The following PRPF19 variants were observed in gnomAD, a reference collection of about 807,000 sequenced individuals.
The protein encoded by PRPF19 is pre-mRNA processing factor 19.
Under a neutral mutation model 64.2 loss-of-function variants are expected in PRPF19, and 2 were observed. The ratio of observed to expected loss-of-function variants is 0.03; its 90% CI spans 0.01 to 0.10. PRPF19 has a LOEUF of 0.10. Among genes scored for constraint, PRPF19 ranks in the 10% least tolerant of loss-of-function variants. The probability of loss-of-function intolerance (pLI) is 1.00; values close to 1 mark genes in which losing one functional copy is unlikely to be tolerated. For synonymous variants in PRPF19, 226 were observed against 251.6 expected (o/e 0.90, Z 0.96); for missense variants, 314 against 650.0 (o/e 0.48, Z 5.62).
At chr11:60,903,912 T>C (rs1348061831) in intron 1 of PRPF19, 51 bp from the exon 2 acceptor site, 1 of 1,583,096 alleles carries the variant, frequency 6.3e-7, no homozygotes, top group Non-Finnish European at 8.5e-7. Context: ...ATCTTGGGCC[T>C]AGAGGATTCC....
At position 60,901,254 on chromosome 11, in the gene PRPF19, G is replaced by C. The variant is rs77664855; in HGVS notation, c.642+41C>G. The C allele has an allele frequency of 3.5e-5, 57 of 1,606,376 alleles. No homozygotes were observed. The East Asian group carries it at 1.1e-3, about 32-fold the overall frequency. On this transcript the variant is annotated intron_variant, in intron 8 of 15. Coordinates refer to ENST00000227524, the MANE Select transcript of PRPF19 (RefSeq NM_014502.5). ...GGCCCGCCCACCCCAGAAACAAAAC[G>C]GGAGGGCTGTCTCCAAGACAGTGGA...
At position 60,903,649 on chromosome 11, in the gene PRPF19, C is replaced by T. The variant is rs926889142; in HGVS notation, c.169+63G>A. On this transcript the variant is annotated intron_variant, in intron 2 of 15. Transcript: ENST00000227524. ...CATCTCTTCCTCCAGTGCACTGGCA[C>T]CACCTCCCATCCTCTCAGGCTCTGA... is the stretch of plus-strand genomic sequence containing the variant. 1.9e-6 allele frequency: 3 copies of T among 1,578,012 alleles called. No individual in the cohort carries two copies. The African/African-American group carries it at 4.1e-5, about 21-fold the overall frequency.
At chr11:60,891,381 CGCAG>C in intron 15 of PRPF19, 118 bp from the exon 16 acceptor site, 1 of 751,948 alleles carries the variant, frequency 1.3e-6, no homozygotes, top group Non-Finnish European at 2.2e-6. Context: ...TTTATCACAC[CGCAG>C]GCTCCTGTTT....
At position 60,902,640 on chromosome 11, in the gene PRPF19, T is replaced by C. The variant is rs778759463; in HGVS notation, c.405A>G (p.Lys135=). ...GGGGCACAATGAGGCCAGCCTGTGG[T>C]TTCAGGGTAGCCAGAGCTGAGAGAA... is the stretch of plus-strand genomic sequence containing the variant. ...TAAREALATL[K]PQAGLIVPQA... is the part of the protein sequence containing the mutation. Residue 135 remains lysine, a synonymous_variant, in exon 5 of 16, where the codon AAA becomes AAG. Coordinates refer to ENST00000227524, the MANE Select transcript of PRPF19 (RefSeq NM_014502.5). The surrounding 1 kb of genome is among the most constrained non-coding windows in gnomAD (Gnocchi z 5.0). 5.6e-6 allele frequency: 9 copies of C among 1,614,078 alleles called. No homozygotes were observed. Among genetic ancestry groups the C allele is most frequent in the Non-Finnish European group, 7.6e-6 (9 of 1,179,986 alleles).
chr11:60,892,573 AC>A (rs1855872864), intron 15 of PRPF19, among the ~76,000 whole-genome samples: 1 of 151,960 alleles, frequency 6.6e-6, no homozygotes, highest in East Asian at 1.9e-4. Context: ...AACCTCAACA[AC>A]CCCACTGAGT....
chr11:60,891,494 C>G (rs544835276), intron 15 of PRPF19, among the ~76,000 whole-genome samples: 5 of 152,202 alleles, frequency 3.3e-5, no homozygotes, highest in South Asian at 2.1e-4. Context: ...GCCAGCCCCC[C>G]CTTCTCACCT....
At chr11:60,899,538 G>C (rs1167981831) in intron 10 of PRPF19, among the ~76,000 whole-genome samples, 1 of 152,192 alleles carries the variant, frequency 6.6e-6, no homozygotes, top group Non-Finnish European at 1.5e-5. Context: ...TCGCCATCTA[G>C]TGGTAAAAAG....
At position 60,891,080 on chromosome 11, in the gene PRPF19, C is replaced by CCCTA; in HGVS notation, c.*85_*86insTAGG. ...CCCACCCCACAGAGCCCCCTCCCCCCATAGATTCCCCCCACCCCCCCCCCC... is the reference window on the plus strand; with the variant it reads ...CCCACCCCACAGAGCCCCCTCCCCCCCCTAATAGATTCCCCCCACCCCCCCCCCC... On this transcript the variant is annotated 3_prime_UTR_variant, in exon 16 of 16. Transcript: ENST00000227524. The CCCTA allele has an allele frequency of 1.6e-5, 3 of 185,964 alleles. No individual in the cohort carries two copies. Among genetic ancestry groups the CCCTA allele is most frequent in the Non-Finnish European group, 3.1e-5 (3 of 98,006 alleles). 11.5% of individuals were successfully genotyped at this position (185,964 alleles called of 1,614,324 possible).
rs1855955878 is a variant in PRPF19, at chr11:60,899,271, T to G, written c.862A>C (p.Ile288Leu). 2 of 1,613,234 alleles carry G rather than the reference T, an allele frequency of 1.2e-6. No individual in the cohort carries two copies. The highest frequency in any genetic ancestry group is 4.5e-5 in the East Asian group (2 of 44,864). ...LVFSASPDAT[I>L]RIWSVPNASC... ...GCATTGGGGACCGACCAAATCCTGA[T>G]AGTGGCATCGGGGGAAGCAGAAAAC... is the stretch of plus-strand genomic sequence containing the variant. Residue 288 changes from isoleucine to leucine, a missense_variant, in exon 11 of 16, where the codon ATC (isoleucine) becomes CTC (leucine). Coordinates refer to ENST00000227524, the MANE Select transcript of PRPF19 (RefSeq NM_014502.5).
At chr11:60,891,628 T>C (rs1016985483) in intron 15 of PRPF19, among the ~76,000 whole-genome samples, 1 of 152,194 alleles carries the variant, frequency 6.6e-6, no homozygotes, top group African/African-American at 2.4e-5. Flanking sequence ...TTCTAGCTCA[T>C]AGTGTTCCAA....
intron 1 of PRPF19, among the ~76,000 whole-genome samples, chr11:60,904,281 C>A (rs1330244816): frequency 1.3e-5 from 2 of 152,320 alleles, no homozygotes; most frequent in Non-Finnish European, 2.9e-5. Flanking sequence ...TAGCTCCAGA[C>A]AGATTATCAA....
rs377217050 is a variant in PRPF19, at chr11:60,906,349, G to A, written c.19+15C>T. On this transcript the variant is annotated intron_variant, in intron 1 of 15. Transcript: ENST00000227524. ...GGCCTCCTGAGACCCGCGCTTGGCC[G>A]CAGCCAACACTCACTGGAGCAGATT... The A allele has an allele frequency of 2.5e-6, 4 of 1,597,722 alleles. No homozygotes were observed. The highest frequency in any genetic ancestry group is 2.7e-5 in the African/African-American group (2 of 74,320).
At chr11:60,897,502 T>C (rs990872562) in intron 15 of PRPF19, 3 of 211,690 alleles carry the variant, frequency 1.4e-5, no homozygotes, top group African/African-American at 7.0e-5. Context: ...TCTAATATAA[T>C]GTGGGCCTCC....
At chr11:60,892,472 G>T (rs1354055235) in intron 15 of PRPF19, among the ~76,000 whole-genome samples, 1 of 152,178 alleles carries the variant, frequency 6.6e-6, no homozygotes, top group Admixed American at 6.6e-5. Context: ...GATTTACCAT[G>T]GTTCAACTTG....
chr11:60,901,216 C>A, intron 8 of PRPF19, 79 bp downstream of exon 8: 1 of 1,468,380 alleles, frequency 6.8e-7, no homozygotes, highest in Non-Finnish European at 9.4e-7. Context: ...CTGCACTCAG[C>A]ACTCCCCATG....
chr11:60,895,307 T>C (rs952952830), intron 15 of PRPF19, among the ~76,000 whole-genome samples: 1 of 152,260 alleles, frequency 6.6e-6, no homozygotes, highest in African/African-American at 2.4e-5. Flanking sequence ...TACAACAGCA[T>C]CTGCTGCTTC....
At position 60,906,553 on chromosome 11, in the gene PRPF19, G is replaced by A. The variant is rs1470804621; in HGVS notation, c.-171C>T. 5 of 651,806 alleles carry A rather than the reference G, an allele frequency of 7.7e-6. No homozygotes were observed. Among genetic ancestry groups the A allele is most frequent in the Non-Finnish European group, 1.0e-5 (4 of 393,380 alleles). The allele number at this position is 651,806 out of a possible 1,614,324, so 40.4% of individuals were successfully genotyped here. A position where few individuals can be genotyped will look rare whatever the true frequency, so the allele number is the denominator to read the frequency against. On this transcript the variant is annotated 5_prime_UTR_variant, in exon 1 of 16. Transcript: ENST00000227524. Reference sequence around the variant, plus strand: ...GCTTCACGTGGGAATGGGGACAGCCGCGCGCCACAGCCTTCAGCACCTAAC... The same window carrying A: ...GCTTCACGTGGGAATGGGGACAGCCACGCGCCACAGCCTTCAGCACCTAAC...
chr11:60,892,905 G>A (rs1184306625), intron 15 of PRPF19, among the ~76,000 whole-genome samples: 1 of 152,166 alleles, frequency 6.6e-6, no homozygotes, highest in Admixed American at 6.5e-5. Context: ...TTACCTGAGA[G>A]ACTCTGTAGT....
chr11:60,901,887 T>C (rs1020552494), intron 6 of PRPF19, among the ~76,000 whole-genome samples: 2 of 152,124 alleles, frequency 1.3e-5, no homozygotes, highest in African/African-American at 4.8e-5. Flanking sequence ...ATGCTGACAA[T>C]TTGAACTGCT....
Sources: gnomAD v4.1 joint callset for allele counts (sites outside exome capture counted in the v4.1 genomes callset) on GRCh38, gnomAD v4.1.1 for gene constraint, Gnocchi (gnomAD v3.1) non-coding constraint, MANE v1.5 for transcripts, NCBI Gene and HGNC (gene_info 2026-07-23, HGNC 2026-07-21) for gene names.